The following RASAL2 variants were observed in gnomAD, a reference collection of about 807,000 sequenced individuals.
RASAL2 encodes RAS protein activator like 2, also known as ras GTPase-activating protein nGAP.
RASAL2 carries 58 observed loss-of-function variants against 128.9 expected under a neutral mutation model. That is an observed-to-expected ratio of 0.45 (90% CI 0.36 to 0.56). The LOEUF is 0.56. RASAL2 is among the 20% of genes least tolerant of loss of function. RASAL2 has a pLI of 0.00. For missense variants in RASAL2, 1,360 were observed against 1,601.6 expected, an observed-to-expected ratio of 0.85 and a Z score of 2.57; for synonymous variants, 561 against 580.8, an observed-to-expected ratio of 0.97 and a Z score of 0.49.
intron 3 of RASAL2, among the ~76,000 whole-genome samples, chr1:178,303,990 AGTG>A (rs142773388): frequency 0.024 from 3,616 of 152,258 alleles, 66 homozygotes; most frequent in Middle Eastern, 0.058. Flanking sequence ...CTGGAGTGCC[AGTG>A]GTGTTCTGTT....
intron 5 of RASAL2, among the ~76,000 whole-genome samples, chr1:178,435,142 G>C (rs981374045): frequency 8.6e-5 from 13 of 151,944 alleles, no homozygotes; most frequent in African/African-American, 3.1e-4. Context: ...GCCAAGCCAA[G>C]CAGAAACTCA....
At chr1:178,234,198 G>A (rs1415720401) in intron 1 of RASAL2, among the ~76,000 whole-genome samples, 1 of 152,112 alleles carries the variant, frequency 6.6e-6, no homozygotes, top group Non-Finnish European at 1.5e-5. Context: ...ACTTTTCCAG[G>A]TTAAGTGCAA....
At chr1:178,202,569 G>A (rs1662908511) in intron 1 of RASAL2, among the ~76,000 whole-genome samples, 1 of 152,222 alleles carries the variant, frequency 6.6e-6, no homozygotes, top group Non-Finnish European at 1.5e-5. Flanking sequence ...GTGGCCAGAT[G>A]TGTTATTATA....
intron 3 of RASAL2, among the ~76,000 whole-genome samples, chr1:178,352,437 G>A (rs1400396199): frequency 1.3e-5 from 2 of 152,214 alleles, no homozygotes; most frequent in Non-Finnish European, 2.9e-5. Flanking sequence ...ACTGATGTGA[G>A]AGGTGGGCTC....
Position 178,452,578 on chromosome 1 carries a change from G to A in RASAL2, c.1935G>A (p.Glu645=). 6.2e-7 allele frequency: 1 copy of A among 1,614,080 alleles called. No homozygotes were observed. Among genetic ancestry groups the A allele is most frequent in the Non-Finnish European group, 8.5e-7 (1 of 1,179,980 alleles). Residue 645 remains glutamate, a synonymous_variant, in exon 11 of 18, where the codon GAG becomes GAA. Coordinates refer to ENST00000367649, the MANE Select transcript of RASAL2 (RefSeq NM_170692.4). The part of the protein sequence containing the change: ...MSPSLFNLMQ[E]YPDDRTSRTL... ...CCAGTCTTTTCAACCTTATGCAGGA[G>A]TATCCTGATGACCGCACATCTCGGA...
At chr1:178,168,387 A>T (rs1049560594) in intron 1 of RASAL2, among the ~76,000 whole-genome samples, 3 of 151,946 alleles carry the variant, frequency 2.0e-5, no homozygotes, top group Non-Finnish European at 4.4e-5. Flanking sequence ...TTTATCAGAA[A>T]TATTACTACT....
At chr1:178,227,611 G>T (rs1663840678) in intron 1 of RASAL2, among the ~76,000 whole-genome samples, 1 of 152,046 alleles carries the variant, frequency 6.6e-6, no homozygotes, top group Non-Finnish European at 1.5e-5. Flanking sequence ...TGTTCCTCTA[G>T]TCCTAATATA....
chr1:178,408,619 G>GTT lies in RASAL2; in HGVS notation c.565-11887_565-11886dup, dbSNP rs1012370223. Among the ~76,000 whole-genome samples the GTT allele has an allele frequency of 4.9e-4, 70 of 143,322 alleles. 1 individual carries two copies. Among genetic ancestry groups the GTT allele is most frequent in the African/African-American group, 1.4e-3 (51 of 35,788 alleles). The allele number at this position is 143,322 out of a possible 152,430, so 94.0% of individuals were successfully genotyped here. On this transcript the variant is annotated intron_variant, in intron 4 of 17. Transcript: ENST00000367649. ...TTTGGTTGGTTTTTTTTTGTTTTTT[G>GTT]TTTTTTGTTTTGCTTCTCTTTTTTT...
At chr1:178,131,271 A>G (rs944153104) in intron 1 of RASAL2, among the ~76,000 whole-genome samples, 2 of 151,630 alleles carry the variant, frequency 1.3e-5, no homozygotes, top group East Asian at 3.9e-4. Flanking sequence ...CAGTGGCACA[A>G]TCATAGCTCA....
At chr1:178,327,531 T>A (rs1317346109) in intron 3 of RASAL2, among the ~76,000 whole-genome samples, 10 of 151,938 alleles carry the variant, frequency 6.6e-5, no homozygotes, top group Admixed American at 5.3e-4. Flanking sequence ...TGTGTTTTTT[T>A]AATAGAGACA....
intron 8 of RASAL2, 140 bp downstream of exon 8, chr1:178,443,369 A>G: frequency 1.3e-6 from 1 of 782,888 alleles, no homozygotes; most frequent in Non-Finnish European, 1.9e-6. Flanking sequence ...AAGAAAACCT[A>G]TTAGATCCAG....
intron 3 of RASAL2, among the ~76,000 whole-genome samples, chr1:178,333,317 G>A (rs1392053915): frequency 6.6e-5 from 10 of 152,198 alleles, no homozygotes; most frequent in Non-Finnish European, 1.2e-4. Context: ...GTAAGCCACC[G>A]CGCCCGGCCA....
chr1:178,295,739 T>G (rs1667469177), intron 2 of RASAL2, among the ~76,000 whole-genome samples: 1 of 152,184 alleles, frequency 6.6e-6, no homozygotes, highest in Non-Finnish European at 1.5e-5. Context: ...GTTATGCTGT[T>G]GCTGCTGGTA....
chr1:178,121,852 G>A (rs1239622084), intron 1 of RASAL2, among the ~76,000 whole-genome samples: 1 of 152,064 alleles, frequency 6.6e-6, no homozygotes, highest in East Asian at 1.9e-4. Flanking sequence ...ATGTTACTCT[G>A]TGTATAGCTT....
intron 1 of RASAL2, among the ~76,000 whole-genome samples, chr1:178,128,554 G>A (rs193289790): frequency 3.9e-5 from 6 of 152,182 alleles, no homozygotes; most frequent in African/African-American, 1.2e-4. Context: ...TGTAATTTAT[G>A]TACATAAAAT....
At chr1:178,137,069 A>G (rs1344447231) in intron 1 of RASAL2, among the ~76,000 whole-genome samples, 2 of 152,186 alleles carry the variant, frequency 1.3e-5, no homozygotes, top group Non-Finnish European at 2.9e-5. Flanking sequence ...ACCATTGGAG[A>G]GTTTAAATCC....
At chr1:178,109,197 A>T (rs1259310425) in intron 1 of RASAL2, among the ~76,000 whole-genome samples, 1 of 152,234 alleles carries the variant, frequency 6.6e-6, no homozygotes, top group African/African-American at 2.4e-5. Context: ...GAAGCAGGTC[A>T]GTTAAAACAT....
At chr1:178,212,307 A>C (rs1175318377) in intron 1 of RASAL2, among the ~76,000 whole-genome samples, 2 of 152,252 alleles carry the variant, frequency 1.3e-5, no homozygotes, top group Non-Finnish European at 2.9e-5. Flanking sequence ...AATGTAATGA[A>C]CTATAACAAG....
intron 3 of RASAL2, among the ~76,000 whole-genome samples, chr1:178,331,111 C>T (rs1669283130): frequency 6.6e-6 from 1 of 152,236 alleles, no homozygotes; most frequent in Non-Finnish European, 1.5e-5. Context: ...CTCTTAACCA[C>T]TGTGCTCTTC....
Sources: allele counts gnomAD v4.1 joint callset (sites outside exome capture counted in the v4.1 genomes callset), GRCh38; gene constraint gnomAD v4.1.1; transcripts MANE v1.5; gene names NCBI Gene and HGNC (gene_info 2026-07-23, HGNC 2026-07-21).